The following R3HDM1 variants were observed in gnomAD, a reference collection of about 807,000 sequenced individuals.
R3HDM1 encodes R3H domain-containing protein 1.
A neutral mutation model predicts 141.1 loss-of-function variants in R3HDM1; 46 were observed. That is an observed-to-expected ratio of 0.33 (90% CI 0.26 to 0.42). The LOEUF (loss-of-function observed/expected upper bound fraction) is 0.42, where lower values mean the gene tolerates loss of function less well. Ranked by LOEUF, R3HDM1 falls within the 10% of genes least tolerant of loss-of-function variation. The pLI, the probability that R3HDM1 is intolerant of heterozygous loss-of-function variation, is 1.00. For missense variants in R3HDM1, 1,184 were observed against 1,368.3 expected, an observed-to-expected ratio of 0.87 and a Z score of 2.12; for synonymous variants, 435 against 472.9, an observed-to-expected ratio of 0.92 and a Z score of 1.04.
intron 14 of R3HDM1, among the ~76,000 whole-genome samples, chr2:135,641,062 T>G (rs1260937904): frequency 1.3e-5 from 2 of 152,254 alleles, no homozygotes; most frequent in African/African-American, 4.8e-5. Flanking sequence ...GTTATTTGTC[T>G]TAATACAGAA....
intron 7 of R3HDM1, chr2:135,622,972 G>C (rs562433174): frequency 5.1e-6 from 5 of 980,904 alleles, no homozygotes; most frequent in Middle Eastern, 5.2e-4. Flanking sequence ...GAATCACTAA[G>C]ATATTTAGGC....
chr2:135,645,414 G>A lies in R3HDM1; in HGVS notation c.1510G>A (p.Val504Met), dbSNP rs1260508369. Residue 504 changes from valine to methionine, a missense_variant, in exon 16 of 27, where the codon GTG (valine) becomes ATG (methionine). Val to Met is a conservative substitution (Grantham distance 21). Around this residue, in one of 5 missense-constraint regions of R3HDM1, gnomAD observed 563 missense variants for 562.0 expected, o/e 1.00. Coordinates refer to ENST00000683871, the MANE Select transcript of R3HDM1 (RefSeq NM_001378107.1). ...PFINPDGSPVVYNPPMTQQPV... is the reference protein window; with the variant it reads ...PFINPDGSPVMYNPPMTQQPV... Reference sequence around the variant, plus strand: ...CATAAACCCAGATGGGAGTCCAGTTGTGTATAATCCTCCTATGACTCAACA... The same window carrying A: ...CATAAACCCAGATGGGAGTCCAGTTATGTATAATCCTCCTATGACTCAACA... The A allele has an allele frequency of 2.5e-6, 4 of 1,612,560 alleles. No individual in the cohort carries two copies. Among genetic ancestry groups the A allele is most frequent in the Non-Finnish European group, 3.4e-6 (4 of 1,178,730 alleles).
rs562945053 is a variant in R3HDM1 at position 135,682,208 on chromosome 2, T to C, written c.2459+1884T>C. ...TTAATTTTTTATTTACCAGAGAATA[T>C]TGCCAAAGTCATCATTTCTATGTGG... is the stretch of plus-strand genomic sequence containing the variant. On this transcript the variant is annotated intron_variant, in intron 21 of 26. Coordinates refer to ENST00000683871, the MANE Select transcript of R3HDM1 (RefSeq NM_001378107.1). 3.3e-3 allele frequency among the ~76,000 whole-genome samples: 497 copies of C among 151,854 alleles called. 5 individuals are homozygous for C. Among genetic ancestry groups the C allele is most frequent in the South Asian group, 8.0e-3 (38 of 4,774 alleles).
chr2:135,593,082 G>A (rs1709707410), intron 1 of R3HDM1, among the ~76,000 whole-genome samples: 1 of 151,964 alleles, frequency 6.6e-6, no homozygotes. Flanking sequence ...ACCACACCTG[G>A]CTAATTTTTG....
intron 4 of R3HDM1, 120 bp downstream of exon 4, chr2:135,616,313 A>G: frequency 9.5e-7 from 1 of 1,051,320 alleles, no homozygotes; most frequent in South Asian, 1.8e-5. Flanking sequence ...GGGGGCAGAA[A>G]GCTTATTTTG....
intron 19 of R3HDM1, chr2:135,667,620 GAAT>G (rs886388824): frequency 1.2e-5 from 12 of 971,922 alleles, no homozygotes; most frequent in Non-Finnish European, 1.5e-5. Context: ...AGTGAAGAAA[GAAT>G]AATTTATGTG....
intron 1 of R3HDM1, among the ~76,000 whole-genome samples, chr2:135,594,877 G>T (rs772136644): frequency 6.6e-6 from 1 of 151,372 alleles, no homozygotes; most frequent in East Asian, 1.9e-4. Flanking sequence ...CTCTAACTTC[G>T]CATCTCCTGG....
intron 3 of R3HDM1, chr2:135,607,260 T>A (rs1311570394): frequency 1.0e-6 from 1 of 972,962 alleles, no homozygotes; most frequent in African/African-American, 1.8e-5. Context: ...CTGCTGAGAT[T>A]ACAGGCGTGA....
chr2:135,566,353 G>A (rs1239818184), intron 1 of R3HDM1, among the ~76,000 whole-genome samples: 4 of 152,064 alleles, frequency 2.6e-5, no homozygotes, highest in African/African-American at 4.8e-5. Context: ...AAAACTCTTT[G>A]TACTATCTTA....
intron 17 of R3HDM1, 90 bp downstream of exon 17, chr2:135,650,093 T>A: frequency 9.7e-7 from 1 of 1,028,454 alleles, no homozygotes; most frequent in Middle Eastern, 2.8e-4. Context: ...TATGATCTTT[T>A]GTGATTTTTT....
intron 21 of R3HDM1, among the ~76,000 whole-genome samples, chr2:135,681,309 A>G (rs545739063): frequency 6.6e-6 from 1 of 152,218 alleles, no homozygotes; most frequent in African/African-American, 2.4e-5. Context: ...AAAATATTTT[A>G]TTCACAAGGC....
chr2:135,675,566 C>T (rs2069043769), intron 20 of R3HDM1, 80 bp downstream of exon 20: 2 of 1,366,930 alleles, frequency 1.5e-6, no homozygotes, highest in African/African-American at 1.4e-5. Flanking sequence ...ATCTTCTATG[C>T]TCTCCTTTTA....
intron 23 of R3HDM1, among the ~76,000 whole-genome samples, chr2:135,713,038 T>TA (rs1056111479): frequency 9.2e-5 from 14 of 152,014 alleles, no homozygotes; most frequent in Non-Finnish European, 1.8e-4. Flanking sequence ...TCCATCTCTA[T>TA]AAAAAAATTA....
intron 24 of R3HDM1, among the ~76,000 whole-genome samples, chr2:135,720,162 C>T (rs2076567136): frequency 6.6e-6 from 1 of 152,148 alleles, no homozygotes; most frequent in Non-Finnish European, 1.5e-5. Context: ...ATTTTTTATA[C>T]ACCTTCACAC....
rs1478706454 is a variant in R3HDM1 at position 135,612,014 on chromosome 2, G to C, written c.172-4138G>C. On this transcript the variant is annotated intron_variant, in intron 3 of 26. Transcript: ENST00000683871. Reference sequence around the variant, plus strand: ...GACTTTCTCCACATACTTTTCGTTAGAATCTAAGAGTTAGGCCTTTGAGTA... The same window carrying C: ...GACTTTCTCCACATACTTTTCGTTACAATCTAAGAGTTAGGCCTTTGAGTA... Among the ~76,000 whole-genome samples the C allele has an allele frequency of 2.6e-5, 4 of 152,134 alleles. No individual in the cohort carries two copies. The South Asian group carries it at 8.3e-4, about 31-fold the overall frequency.
chr2:135,701,559 C>T (rs558869484), intron 21 of R3HDM1, among the ~76,000 whole-genome samples: 3 of 152,234 alleles, frequency 2.0e-5, no homozygotes, highest in African/African-American at 7.2e-5. Context: ...TGTTGACTCT[C>T]CAACAGGATG....
intron 1 of R3HDM1, among the ~76,000 whole-genome samples, chr2:135,573,686 A>T (rs1452332670): frequency 6.6e-6 from 1 of 152,122 alleles, no homozygotes; most frequent in Non-Finnish European, 1.5e-5. Flanking sequence ...ACCCTTTGGC[A>T]GTTGAGTGGT....
At chr2:135,538,282 T>G (rs935598521) in intron 1 of R3HDM1, among the ~76,000 whole-genome samples, 1 of 152,204 alleles carries the variant, frequency 6.6e-6, no homozygotes. Context: ...TTAAATGGTA[T>G]ACCTAAGGCA....
intron 1 of R3HDM1, among the ~76,000 whole-genome samples, chr2:135,546,358 C>T (rs1698689963): frequency 6.6e-6 from 1 of 152,152 alleles, no homozygotes; most frequent in African/African-American, 2.4e-5. Flanking sequence ...CCCTTCCCTT[C>T]CTCTCCACCC....
Sources: allele counts gnomAD v4.1 joint callset (sites outside exome capture counted in the v4.1 genomes callset), GRCh38; gene constraint gnomAD v4.1.1; regional missense constraint gnomAD v4.1.1; transcripts MANE v1.5; gene names NCBI Gene and HGNC (gene_info 2026-07-23, HGNC 2026-07-21).